Variants in SPPL3 observed in about 807,000 individuals in gnomAD.
SPPL3 encodes the protein signal peptide peptidase like 3.
A neutral mutation model predicts 42.4 loss-of-function variants in SPPL3; 5 were observed. That is an observed-to-expected ratio of 0.12 (90% CI 0.06 to 0.25). The LOEUF is 0.25. SPPL3 is among the 10% of genes least tolerant of loss of function. The pLI is 1.00. For synonymous variants in SPPL3, 195 were observed against 181.8 expected, an observed-to-expected ratio of 1.07 and a Z score of -0.58; for missense variants, 235 against 489.0, an observed-to-expected ratio of 0.48 and a Z score of 4.90.
chr12:120,818,206 A>T (rs1234139976), intron 1 of SPPL3, among the ~76,000 whole-genome samples: 2 of 152,224 alleles, frequency 1.3e-5, no homozygotes, highest in East Asian at 3.8e-4. Flanking sequence ...TTACTGAAAC[A>T]CAGAAAGAAA....
intron 1 of SPPL3, among the ~76,000 whole-genome samples, chr12:120,823,163 A>T (rs1871121795): frequency 7.6e-6 from 1 of 131,078 alleles, no homozygotes; most frequent in Non-Finnish European, 1.6e-5. Context: ...CAAGAGCTAG[A>T]GCATATTCCC....
intron 9 of SPPL3, 92 bp from the exon 10 acceptor site, chr12:120,766,464 ATG>A: frequency 2.0e-6 from 2 of 981,100 alleles, no homozygotes; most frequent in South Asian, 1.8e-5. Flanking sequence ...TACAGATCTA[ATG>A]TGCTGTCGTC....
intron 6 of SPPL3, among the ~76,000 whole-genome samples, chr12:120,780,214 CCCCATCCCAGCACTT>C (rs1869478174): frequency 1.3e-5 from 2 of 150,572 alleles, no homozygotes; most frequent in African/African-American, 2.4e-5. Flanking sequence ...AATGCACTGG[CCCCATCCCAGCACTT>C]TGGGAGGACT....
chr12:120,898,684 G>C (rs1873884833), intron 1 of SPPL3, among the ~76,000 whole-genome samples: 1 of 152,116 alleles, frequency 6.6e-6, no homozygotes, highest in Non-Finnish European at 1.5e-5. Context: ...CAACACTGTG[G>C]AAACATTAAG....
At chr12:120,833,134 C>T (rs1391365874) in intron 1 of SPPL3, among the ~76,000 whole-genome samples, 4 of 152,014 alleles carry the variant, frequency 2.6e-5, no homozygotes, top group Non-Finnish European at 4.4e-5. Context: ...AGGTAAAATT[C>T]GAATTATTCT....
chr12:120,864,566 C>A (rs1254856708), intron 1 of SPPL3, among the ~76,000 whole-genome samples: 3 of 152,106 alleles, frequency 2.0e-5, no homozygotes, highest in African/African-American at 7.2e-5. Context: ...CCTGGGAAGT[C>A]ATCAAGCCCA....
At chr12:120,780,387 TG>T (rs1267486470) in intron 6 of SPPL3, among the ~76,000 whole-genome samples, 2 of 150,928 alleles carry the variant, frequency 1.3e-5, no homozygotes, top group African/African-American at 4.9e-5. Context: ...GTTCAAGAGT[TG>T]GGTAAGCACT....
intron 1 of SPPL3, among the ~76,000 whole-genome samples, chr12:120,867,774 C>T (rs1359349666): frequency 1.3e-5 from 2 of 151,664 alleles, no homozygotes; most frequent in East Asian, 1.9e-4. Context: ...GAGACAGAGT[C>T]TCGCTCTGTT....
intron 2 of SPPL3, among the ~76,000 whole-genome samples, chr12:120,792,288 T>C (rs1869943979): frequency 1.3e-5 from 2 of 152,174 alleles, no homozygotes; most frequent in South Asian, 4.1e-4. Context: ...GCACGTCACT[T>C]TGATTTAGAA....
chr12:120,829,411 C>T (rs563221315), intron 1 of SPPL3, among the ~76,000 whole-genome samples: 47 of 151,922 alleles, frequency 3.1e-4, no homozygotes, highest in Non-Finnish European at 5.7e-4. Context: ...GCCTGGCAGA[C>T]GTGGTGAAAC....
intron 3 of SPPL3, among the ~76,000 whole-genome samples, chr12:120,785,914 C>CAAAA (rs11307959): frequency 2.3e-5 from 2 of 85,856 alleles, no homozygotes; most frequent in African/African-American, 4.0e-5. Flanking sequence ...GAGTCCAAGG[C>CAAAA]AAAAAAAAAA....
At chr12:120,813,781 G>T (rs1275607588) in intron 1 of SPPL3, among the ~76,000 whole-genome samples, 2 of 152,034 alleles carry the variant, frequency 1.3e-5, no homozygotes, top group East Asian at 3.9e-4. Context: ...ATCAGAAACT[G>T]CCAATCAAAC....
intron 2 of SPPL3, 45 bp from the exon 3 acceptor site, chr12:120,791,602 A>G (rs751136668): frequency 7.4e-7 from 1 of 1,347,744 alleles, no homozygotes; most frequent in South Asian, 1.3e-5. Flanking sequence ...TTGCTTACAA[A>G]AGAAGGTCAG....
intron 1 of SPPL3, chr12:120,901,878 C>G: frequency 2.0e-6 from 2 of 985,354 alleles, no homozygotes; most frequent in East Asian, 2.3e-4. Flanking sequence ...TCCAACCTAC[C>G]TAGTAAAACA....
intron 1 of SPPL3, among the ~76,000 whole-genome samples, chr12:120,899,642 G>A (rs1232812944): frequency 4.6e-5 from 7 of 152,112 alleles, no homozygotes; most frequent in Admixed American, 6.6e-5. Flanking sequence ...TATAATCCCA[G>A]CACTTTGGGA....
At chr12:120,895,749 T>G (rs57697145) in intron 1 of SPPL3, among the ~76,000 whole-genome samples, 62,193 of 151,622 alleles carry the variant, frequency 0.41, 14,290 homozygotes, top group Admixed American at 0.56. Context: ...TCTCACTAAA[T>G]CCTCACAACG....
intron 6 of SPPL3, among the ~76,000 whole-genome samples, 175 bp downstream of exon 6, chr12:120,782,480 C>G (rs944916088): frequency 1.3e-5 from 2 of 151,858 alleles, no homozygotes; most frequent in Admixed American, 6.6e-5. Flanking sequence ...TAGTGGATAC[C>G]TGGGGCTGGG....
intron 1 of SPPL3, among the ~76,000 whole-genome samples, chr12:120,893,674 T>C (rs1362951286): frequency 6.6e-6 from 1 of 152,182 alleles, no homozygotes; most frequent in African/African-American, 2.4e-5. Context: ...TCTCTCTGAA[T>C]CCTTGTAGCT....
chr12:120,867,428 A>T (rs1457796752), intron 1 of SPPL3, among the ~76,000 whole-genome samples: 1 of 152,140 alleles, frequency 6.6e-6, no homozygotes, highest in African/African-American at 2.4e-5. Context: ...GCACTTTGGA[A>T]GGCCGAGGTG....
Sources: allele counts gnomAD v4.1 joint callset (sites outside exome capture counted in the v4.1 genomes callset), GRCh38; gene constraint gnomAD v4.1.1; transcripts MANE v1.5; gene names NCBI Gene and HGNC (gene_info 2026-07-23, HGNC 2026-07-21).